Variants in ARHGAP6 observed in about 807,000 individuals in gnomAD.
ARHGAP6 encodes Rho GTPase activating protein 6.
In ARHGAP6, 16 loss-of-function variants were observed where a neutral mutation model predicts 55.7. That is an observed-to-expected ratio of 0.29 (90% CI 0.19 to 0.44). ARHGAP6 has a LOEUF of 0.44. Ranked by LOEUF, ARHGAP6 falls within the 20% of genes least tolerant of loss-of-function variation. ARHGAP6 has a pLI of 1.00. For synonymous variants in ARHGAP6, 382 were observed against 360.9 expected (o/e 1.06, Z -0.66); for missense variants, 698 against 808.9 (o/e 0.86, Z 1.66).
At chrX:11,412,865 A>G (rs1451264775) in intron 1 of ARHGAP6, among the ~76,000 whole-genome samples, 1 of 112,389 alleles carries the variant, frequency 8.9e-6, no homozygotes. Flanking sequence ...TCATTTCCAC[A>G]TAACTCTCCA....
intron 1 of ARHGAP6, among the ~76,000 whole-genome samples, chrX:11,642,126 A>G (rs2052481358): frequency 8.9e-6 from 1 of 111,802 alleles, no homozygotes; most frequent in South Asian, 3.7e-4. Context: ...TTGAATATTA[A>G]CTATAAGATT....
At chrX:11,171,054 T>G (rs1052056260) in intron 8 of ARHGAP6, among the ~76,000 whole-genome samples, 2 of 111,221 alleles carry the variant, frequency 1.8e-5, no homozygotes, top group African/African-American at 6.6e-5. Flanking sequence ...AAACAGTGAA[T>G]GTAGACACTT....
intron 2 of ARHGAP6, among the ~76,000 whole-genome samples, chrX:11,202,993 C>G (rs1490333249): frequency 1.8e-5 from 2 of 109,835 alleles, no homozygotes; most frequent in South Asian, 4.0e-4. Context: ...CCATTACCCT[C>G]TCTGTGAAAT....
At chrX:11,590,859 A>G (rs2051810224) in intron 1 of ARHGAP6, among the ~76,000 whole-genome samples, 4 of 46,561 alleles carry the variant, frequency 8.6e-5, no homozygotes, top group African/African-American at 4.9e-4. Flanking sequence ...AAGAAAAGAA[A>G]AGAAAAGAAG....
chrX:11,326,608 G>A (rs1252435012), intron 1 of ARHGAP6, among the ~76,000 whole-genome samples: 2 of 111,845 alleles, frequency 1.8e-5, no homozygotes, highest in Non-Finnish European at 3.8e-5. Flanking sequence ...AAAACCCATC[G>A]TAGAAATCAA....
chrX:11,186,011 G>A (rs935784690), intron 5 of ARHGAP6, among the ~76,000 whole-genome samples: 2 of 111,210 alleles, frequency 1.8e-5, no homozygotes, highest in Admixed American at 9.6e-5. Flanking sequence ...GAGGACTACT[G>A]GGAGCTAAGC....
intron 1 of ARHGAP6, among the ~76,000 whole-genome samples, chrX:11,372,771 CAAAAAAAAAAAAAA>C (rs1171647934): frequency 2.1e-4 from 3 of 14,359 alleles, no homozygotes; most frequent in East Asian, 2.4e-3. Context: ...GACTCCATCT[CAAAAAAAAAAAAAA>C]AAAAAAAAAA....
At chrX:11,509,375 C>T (rs1449655959) in intron 1 of ARHGAP6, among the ~76,000 whole-genome samples, 1 of 111,785 alleles carries the variant, frequency 8.9e-6, no homozygotes, top group African/African-American at 3.2e-5. Flanking sequence ...AATATACAGC[C>T]TATATATAGA....
intron 1 of ARHGAP6, among the ~76,000 whole-genome samples, chrX:11,521,802 C>T (rs1327296946): frequency 9.0e-6 from 1 of 111,016 alleles, no homozygotes; most frequent in Non-Finnish European, 1.9e-5. Flanking sequence ...ATGGAATGTT[C>T]TTCCATTTCT....
At chrX:11,486,601 A>T (rs888191647) in intron 1 of ARHGAP6, among the ~76,000 whole-genome samples, 2 of 112,135 alleles carry the variant, frequency 1.8e-5, no homozygotes, top group Non-Finnish European at 3.8e-5. Context: ...TCCAAGACCC[A>T]TGACATCAGG....
rs2238894 is a variant in ARHGAP6, at chrX:11,146,710, G to A, written c.1908-2462C>T. 2.1e-3 allele frequency among the ~76,000 whole-genome samples: 231 copies of A among 112,388 alleles called. 4 individuals are homozygous for A. The East Asian group carries it at 0.049, about 24-fold the overall frequency. Reference sequence around the variant, plus strand: ...GTCTGGGATTGAGTGAAAGAAACAAGGAGCTGACTGAATGCTGAATACCAT... The same window carrying A: ...GTCTGGGATTGAGTGAAAGAAACAAAGAGCTGACTGAATGCTGAATACCAT... On this transcript the variant is annotated intron_variant, in intron 10 of 12. Coordinates refer to ENST00000337414, the MANE Select transcript of ARHGAP6 (RefSeq NM_013427.3).
intron 1 of ARHGAP6, among the ~76,000 whole-genome samples, chrX:11,573,668 G>T (rs1239129008): frequency 1.8e-5 from 2 of 110,478 alleles, no homozygotes; most frequent in African/African-American, 6.6e-5. Context: ...TGGCGATGTG[G>T]GCTCTTTTTT....
chrX:11,660,530 C>CAAAAAAAAAAAAAAAAA lies in ARHGAP6; in HGVS notation c.588+3694_588+3710dup, dbSNP rs56274949. Among the ~76,000 whole-genome samples, 4 of 27,303 alleles carry CAAAAAAAAAAAAAAAAA rather than the reference C, an allele frequency of 1.5e-4. 1 individual carries two copies. The highest frequency in any genetic ancestry group is 1.5e-4 in the Non-Finnish European group (2 of 13,790). The allele number at this position is 27,303 out of a possible 115,157, so 23.7% of individuals were successfully genotyped here. Reference sequence around the variant, plus strand: ...CAACAGGGTGAGACTCTCTCTCTCTCAAAAAAAAAAAAAAAAAAAAAAAAA... The same window carrying CAAAAAAAAAAAAAAAAA: ...CAACAGGGTGAGACTCTCTCTCTCTCAAAAAAAAAAAAAAAAAAAAAAAAAAAAAAAAAAAAAAAAAA... On this transcript the variant is annotated intron_variant, in intron 1 of 12. Coordinates refer to ENST00000337414, the MANE Select transcript of ARHGAP6 (RefSeq NM_013427.3).
chrX:11,322,367 TTC>T (rs1324660982), intron 1 of ARHGAP6, among the ~76,000 whole-genome samples: 1 of 109,704 alleles, frequency 9.1e-6, no homozygotes, highest in African/African-American at 3.3e-5. Context: ...TAGCATATTT[TTC>T]TTTTTTGAGA....
intron 1 of ARHGAP6, among the ~76,000 whole-genome samples, chrX:11,331,970 A>G (rs1479166000): frequency 2.7e-5 from 3 of 112,353 alleles, no homozygotes; most frequent in African/African-American, 9.7e-5. Flanking sequence ...AACAACTAAC[A>G]AAATGGGGCA....
At chrX:11,398,373 T>G (rs1603176579) in intron 1 of ARHGAP6, among the ~76,000 whole-genome samples, 1 of 110,830 alleles carries the variant, frequency 9.0e-6, no homozygotes, top group Non-Finnish European at 1.9e-5. Flanking sequence ...ACATAACTCA[T>G]TCTCAGTTTG....
At chrX:11,233,469 T>C (rs1269120555) in intron 2 of ARHGAP6, among the ~76,000 whole-genome samples, 1 of 111,132 alleles carries the variant, frequency 9.0e-6, no homozygotes, top group African/African-American at 3.3e-5. Flanking sequence ...GAGAAAGATG[T>C]CTTATAGAGA....
intron 1 of ARHGAP6, among the ~76,000 whole-genome samples, chrX:11,284,116 T>A (rs1182478598): frequency 8.9e-6 from 1 of 111,822 alleles, no homozygotes; most frequent in East Asian, 2.8e-4. Context: ...CCTGGCCTAG[T>A]CATGTGATTT....
chrX:11,419,766 T>C lies in ARHGAP6; in HGVS notation c.589-165059A>G, dbSNP rs763339256. 1.5e-4 allele frequency among the ~76,000 whole-genome samples: 17 copies of C among 112,371 alleles called. No individual in the cohort carries two copies. In the South Asian group the frequency reaches 2.6e-3, roughly 17 times the overall value. On this transcript the variant is annotated intron_variant, in intron 1 of 12. Transcript: ENST00000337414. Reference sequence around the variant, plus strand: ...GCACTTGGACTGGCTTATACATTTCTTTACCAGATATTTCAGTCAACTGCA... The same window carrying C: ...GCACTTGGACTGGCTTATACATTTCCTTACCAGATATTTCAGTCAACTGCA...
Sources: allele counts gnomAD v4.1 joint callset (sites outside exome capture counted in the v4.1 genomes callset), GRCh38; gene constraint gnomAD v4.1.1; transcripts MANE v1.5; gene names NCBI Gene and HGNC (gene_info 2026-07-23, HGNC 2026-07-21).